The following ARHGAP32 variants were observed in gnomAD, a reference collection of about 807,000 sequenced individuals.
ARHGAP32 encodes Rho GTPase activating protein 32, also known as rho GTPase-activating protein 32.
ARHGAP32 carries 51 observed loss-of-function variants against 186.5 expected under a neutral mutation model. The ratio of observed to expected loss-of-function variants is 0.27; its 90% CI spans 0.22 to 0.35. The LOEUF (loss-of-function observed/expected upper bound fraction) is 0.35, where lower values mean the gene tolerates loss of function less well. ARHGAP32 is among the 10% of genes least tolerant of loss of function. The probability of loss-of-function intolerance (pLI) is 1.00; values close to 1 mark genes in which losing one functional copy is unlikely to be tolerated. For synonymous variants in ARHGAP32, 950 were observed against 964.3 expected (o/e 0.99, Z 0.27); for missense variants, 2,186 against 2,623.5 (o/e 0.83, Z 3.64).
At chr11:128,984,268 G>C (rs1945798463) in intron 15 of ARHGAP32, among the ~76,000 whole-genome samples, 1 of 151,958 alleles carries the variant, frequency 6.6e-6, no homozygotes, top group Non-Finnish European at 1.5e-5. Context: ...TCAGCTACTT[G>C]GGGGGCTGAG....
At chr11:129,267,721 A>T (rs557085508) in intron 1 of ARHGAP32, among the ~76,000 whole-genome samples, 8 of 152,356 alleles carry the variant, frequency 5.3e-5, no homozygotes, top group African/African-American at 1.7e-4. Flanking sequence ...ATAAAGGAAC[A>T]CCTGAAATTG....
At chr11:129,071,826 T>C (rs1228790630) in intron 6 of ARHGAP32, among the ~76,000 whole-genome samples, 2 of 152,182 alleles carry the variant, frequency 1.3e-5, no homozygotes, top group South Asian at 2.1e-4. Context: ...TGTCCATCAC[T>C]GGATCAGTAG....
chr11:129,129,145 T>G lies in ARHGAP32; in HGVS notation c.226-4251A>C, dbSNP rs1391269688. ...CCCCGTCTGGGAACTGAGGAGTGTC[T>G]CTGCCCGGCCGCCCCGTCTGAGAAG... On this transcript the variant is annotated intron_variant, in intron 2 of 22. Coordinates refer to ENST00000682385, the MANE Select transcript of ARHGAP32 (RefSeq NM_001378024.1). Among the ~76,000 whole-genome samples, 3 of 144,526 alleles carry G rather than the reference T, an allele frequency of 2.1e-5. No homozygotes were observed. The South Asian group carries it at 6.8e-4, about 33-fold the overall frequency. The allele number at this position is 144,526 out of a possible 152,430, so 94.8% of individuals were successfully genotyped here.
At chr11:129,149,771 G>T (rs924097044) in intron 2 of ARHGAP32, among the ~76,000 whole-genome samples, 11 of 151,772 alleles carry the variant, frequency 7.2e-5, no homozygotes, top group African/African-American at 2.7e-4. Context: ...CCTAACAATG[G>T]ATCTGTACCT....
At chr11:129,216,008 G>A (rs1944639913) in intron 1 of ARHGAP32, among the ~76,000 whole-genome samples, 1 of 152,140 alleles carries the variant, frequency 6.6e-6, no homozygotes, top group African/African-American at 2.4e-5. Flanking sequence ...AACAGAGGCA[G>A]AAATTGGAAC....
At chr11:129,180,093 T>C (rs1021700428) in intron 1 of ARHGAP32, among the ~76,000 whole-genome samples, 1 of 152,158 alleles carries the variant, frequency 6.6e-6, no homozygotes, top group Non-Finnish European at 1.5e-5. Context: ...AAAAATCGTG[T>C]ATTTACATAT....
chr11:129,213,083 A>G (rs1944601228), intron 1 of ARHGAP32, among the ~76,000 whole-genome samples: 1 of 152,182 alleles, frequency 6.6e-6, no homozygotes, highest in Non-Finnish European at 1.5e-5. Flanking sequence ...TCATAATATT[A>G]TATTTCAAAT....
intron 1 of ARHGAP32, among the ~76,000 whole-genome samples, chr11:129,249,290 G>GTT (rs1209344494): frequency 6.6e-6 from 1 of 151,794 alleles, no homozygotes; most frequent in Non-Finnish European, 1.5e-5. Flanking sequence ...TATACATACA[G>GTT]TATGTATTAA....
intron 1 of ARHGAP32, among the ~76,000 whole-genome samples, chr11:129,221,054 T>C (rs1269120423): frequency 6.6e-6 from 1 of 151,672 alleles, no homozygotes; most frequent in African/African-American, 2.4e-5. Flanking sequence ...GCTCAGAAGA[T>C]GCTATATATT....
chr11:129,006,994 A>C (rs1338028994), intron 11 of ARHGAP32, among the ~76,000 whole-genome samples: 3 of 151,462 alleles, frequency 2.0e-5, no homozygotes, highest in Non-Finnish European at 2.9e-5. Context: ...GAGGAGCCCC[A>C]TCCCATGGCC....
chr11:129,242,591 G>A (rs372113674), intron 1 of ARHGAP32, among the ~76,000 whole-genome samples: 11 of 151,782 alleles, frequency 7.2e-5, no homozygotes, highest in Admixed American at 3.9e-4. Context: ...GGTGGCGGGC[G>A]CCTGTAGTCC....
At chr11:129,055,888 A>T (rs1202234903) in intron 10 of ARHGAP32, among the ~76,000 whole-genome samples, 1 of 152,266 alleles carries the variant, frequency 6.6e-6, no homozygotes, top group African/African-American at 2.4e-5. Context: ...ATGCACACCA[A>T]GAGGGAACTC....
chr11:129,017,130 T>G (rs1231543277), intron 11 of ARHGAP32, among the ~76,000 whole-genome samples: 1 of 152,158 alleles, frequency 6.6e-6, no homozygotes, highest in Non-Finnish European at 1.5e-5. Flanking sequence ...GGAGAAATAT[T>G]TAAATTCTCA....
intron 6 of ARHGAP32, among the ~76,000 whole-genome samples, chr11:129,087,602 G>A (rs936164780): frequency 6.6e-6 from 1 of 152,182 alleles, no homozygotes; most frequent in Non-Finnish European, 1.5e-5. Flanking sequence ...AGGGAAAGAT[G>A]AATCAGAGGG....
chr11:129,073,180 C>G (rs1012275580), intron 6 of ARHGAP32, among the ~76,000 whole-genome samples: 1 of 152,166 alleles, frequency 6.6e-6, no homozygotes, highest in African/African-American at 2.4e-5. Context: ...TTCTTTGACC[C>G]ACCTTATGTC....
chr11:129,070,040 A>G (rs770987031), intron 6 of ARHGAP32, among the ~76,000 whole-genome samples: 10 of 152,166 alleles, frequency 6.6e-5, no homozygotes, highest in Non-Finnish European at 8.8e-5. Context: ...CTAGAGCTAC[A>G]TAAGTGTGAA....
intron 6 of ARHGAP32, among the ~76,000 whole-genome samples, chr11:129,069,875 T>C (rs1380223882): frequency 6.6e-6 from 1 of 152,012 alleles, no homozygotes; most frequent in Non-Finnish European, 1.5e-5. Flanking sequence ...TAGTCCTGCA[T>C]TTTTTGGTGC....
At chr11:129,105,814 A>G (rs1942033060) in intron 5 of ARHGAP32, among the ~76,000 whole-genome samples, 1 of 152,188 alleles carries the variant, frequency 6.6e-6, no homozygotes, top group Non-Finnish European at 1.5e-5. Context: ...AAGTCTATAT[A>G]TGGGACTTAA....
intron 10 of ARHGAP32, among the ~76,000 whole-genome samples, chr11:129,050,421 G>A (rs1939995172): frequency 6.6e-6 from 1 of 151,936 alleles, no homozygotes; most frequent in South Asian, 2.1e-4. Context: ...GCCCAGGCTG[G>A]CCTCAAATTC....
Sources: gnomAD v4.1 joint callset for allele counts (sites outside exome capture counted in the v4.1 genomes callset) on GRCh38, gnomAD v4.1.1 for gene constraint, MANE v1.5 for transcripts, NCBI Gene and HGNC (gene_info 2026-07-23, HGNC 2026-07-21) for gene names.